The following CRPPA variants were observed in gnomAD, a reference collection of about 807,000 sequenced individuals.
CRPPA encodes CDP-L-ribitol pyrophosphorylase A.
Under a neutral mutation model 52.0 loss-of-function variants are expected in CRPPA, and 43 were observed. The observed-to-expected ratio is 0.83, with a 90% CI of 0.65 to 1.07. The LOEUF (loss-of-function observed/expected upper bound fraction) is 1.07, where lower values mean the gene tolerates loss of function less well. Ranked by LOEUF, CRPPA falls within the 50% of genes least tolerant of loss-of-function variation. The probability of loss-of-function intolerance (pLI) is 0.00; values close to 1 mark genes in which losing one functional copy is unlikely to be tolerated. For missense variants in CRPPA, 629 were observed against 551.7 expected, an observed-to-expected ratio of 1.14 and a Z score of -1.40; for synonymous variants, 250 against 203.5, an observed-to-expected ratio of 1.23 and a Z score of -1.94.
At chr7:16,281,634 G>GT (rs2128418484) in intron 5 of CRPPA, among the ~76,000 whole-genome samples, 1 of 152,294 alleles carries the variant, frequency 6.6e-6, no homozygotes, top group South Asian at 2.1e-4. Context: ...GTTGGTAAGT[G>GT]TTTTTCCTAC....
At chr7:16,418,360 A>T (rs1439022598) in intron 1 of CRPPA, among the ~76,000 whole-genome samples, 2 of 152,230 alleles carry the variant, frequency 1.3e-5, no homozygotes, top group Non-Finnish European at 2.9e-5. Context: ...GTAAAAGTAG[A>T]AGACAAACGT....
intron 3 of CRPPA, among the ~76,000 whole-genome samples, chr7:16,364,959 C>A (rs1018469414): frequency 6.6e-6 from 1 of 152,162 alleles, no homozygotes; most frequent in Admixed American, 6.5e-5. Flanking sequence ...CATAAGATTT[C>A]AAATTTATAG....
At chr7:16,399,252 G>T (rs112252035) in intron 2 of CRPPA, among the ~76,000 whole-genome samples, 1 of 152,134 alleles carries the variant, frequency 6.6e-6, no homozygotes, top group East Asian at 1.9e-4. Flanking sequence ...GAATCGCACA[G>T]GTCCAACATG....
chr7:16,347,459 C>T (rs373551015), intron 3 of CRPPA, among the ~76,000 whole-genome samples: 1 of 152,122 alleles, frequency 6.6e-6, no homozygotes, highest in African/African-American at 2.4e-5. Flanking sequence ...CAGGTGCAAA[C>T]TGAATAGAGT....
chr7:16,314,177 G>A (rs1255281507), intron 3 of CRPPA, among the ~76,000 whole-genome samples: 1 of 150,346 alleles, frequency 6.7e-6, no homozygotes, highest in Non-Finnish European at 1.5e-5. Context: ...ATATAAGGAT[G>A]GTCTGTTGTT....
At chr7:16,297,627 C>G (rs769626471) in intron 5 of CRPPA, among the ~76,000 whole-genome samples, 10 of 152,138 alleles carry the variant, frequency 6.6e-5, no homozygotes, top group Non-Finnish European at 1.3e-4. Flanking sequence ...TGCTGAAATC[C>G]AAAAAGTTCT....
chr7:16,200,236 T>C (rs1035215303), intron 9 of CRPPA, among the ~76,000 whole-genome samples: 1 of 152,166 alleles, frequency 6.6e-6, no homozygotes, highest in Non-Finnish European at 1.5e-5. Context: ...TTCAATCACC[T>C]CTCAGGAGTT....
chr7:16,219,596 A>G (rs1782441407), intron 8 of CRPPA, among the ~76,000 whole-genome samples: 1 of 121,812 alleles, frequency 8.2e-6, no homozygotes, highest in Admixed American at 9.5e-5. Context: ...TGCAATAAAA[A>G]ATGATAAAGG....
At position 16,286,097 on chromosome 7, in the gene CRPPA, A is replaced by AAAAAAAAAAATATATATATATATAT; in HGVS notation, c.836-7872_836-7871insATATATATATATATATTTTTTTTTT. Among the ~76,000 whole-genome samples, 10 of 39,116 alleles carry AAAAAAAAAAATATATATATATATAT rather than the reference A, an allele frequency of 2.6e-4. 1 individual carries two copies. Among genetic ancestry groups the AAAAAAAAAAATATATATATATATAT allele is most frequent in the Non-Finnish European group, 3.7e-4 (9 of 24,644 alleles). The allele number at this position is 39,116 out of a possible 152,430, so 25.7% of individuals were successfully genotyped here. A position where few individuals can be genotyped will look rare whatever the true frequency, so the allele number is the denominator to read the frequency against. ...TATATATATAATATTTAAAAAAAAA[A>AAAAAAAAAAATATATATATATATAT]ATATATATATATATATATATGCCAA... On this transcript the variant is annotated intron_variant, in intron 5 of 9. Transcript: ENST00000407010.
At chr7:16,312,906 T>A (rs904032165) in intron 3 of CRPPA, among the ~76,000 whole-genome samples, 1 of 151,988 alleles carries the variant, frequency 6.6e-6, no homozygotes, top group African/African-American at 2.4e-5. Flanking sequence ...ACCAGTCTTG[T>A]GTATCTGAGA....
intron 6 of CRPPA, among the ~76,000 whole-genome samples, chr7:16,274,316 G>C (rs192705338): frequency 6.2e-4 from 94 of 152,150 alleles, no homozygotes; most frequent in African/African-American, 2.1e-3. Flanking sequence ...CAAATTGCTG[G>C]GATTACGGAC....
intron 8 of CRPPA, among the ~76,000 whole-genome samples, chr7:16,226,110 T>A (rs1322741411): frequency 1.3e-5 from 2 of 151,960 alleles, no homozygotes; most frequent in East Asian, 3.8e-4. Context: ...AATTAGTAAT[T>A]ATTTAATAAT....
chr7:16,360,726 C>G (rs905480623), intron 3 of CRPPA, among the ~76,000 whole-genome samples: 2 of 152,236 alleles, frequency 1.3e-5, no homozygotes, highest in Admixed American at 1.3e-4. Flanking sequence ...AAAGTTAACT[C>G]AAACTGGACC....
chr7:16,369,207 TC>T (rs1786684806), intron 3 of CRPPA, among the ~76,000 whole-genome samples: 1 of 152,130 alleles, frequency 6.6e-6, no homozygotes, highest in South Asian at 2.1e-4. Flanking sequence ...CAATTTCTGT[TC>T]ATTTTAAGGG....
At chr7:16,106,328 A>G (rs1213904000) in intron 9 of CRPPA, among the ~76,000 whole-genome samples, 2 of 152,162 alleles carry the variant, frequency 1.3e-5, no homozygotes, top group South Asian at 4.1e-4. Flanking sequence ...CTGAGCAGCA[A>G]TTCTGCCTAA....
At chr7:16,233,193 T>C (rs1782854422) in intron 8 of CRPPA, among the ~76,000 whole-genome samples, 1 of 152,056 alleles carries the variant, frequency 6.6e-6, no homozygotes, top group Admixed American at 6.6e-5. Flanking sequence ...ACCAGTGAGA[T>C]ATGGATCATA....
chr7:16,192,958 C>T (rs998975626), intron 9 of CRPPA, among the ~76,000 whole-genome samples: 1 of 152,120 alleles, frequency 6.6e-6, no homozygotes, highest in African/African-American at 2.4e-5. Context: ...GAATCTGTAG[C>T]TTTACAAGTC....
chr7:16,399,364 G>T (rs1052585189), intron 2 of CRPPA, among the ~76,000 whole-genome samples: 1 of 151,902 alleles, frequency 6.6e-6, no homozygotes, highest in Non-Finnish European at 1.5e-5. Context: ...CATGATTGAC[G>T]TGACACATTT....
chr7:16,212,315 CT>C (rs1782170775), intron 9 of CRPPA, among the ~76,000 whole-genome samples: 1 of 152,126 alleles, frequency 6.6e-6, no homozygotes, highest in Non-Finnish European at 1.5e-5. Flanking sequence ...CTATTTCCCA[CT>C]ATATTATAAG....
Sources: allele counts gnomAD v4.1 joint callset (sites outside exome capture counted in the v4.1 genomes callset), GRCh38; gene constraint gnomAD v4.1.1; transcripts MANE v1.5; gene names NCBI Gene and HGNC (gene_info 2026-07-23, HGNC 2026-07-21).